The following PICALM variants were observed in gnomAD, a reference collection of about 807,000 sequenced individuals.
The protein encoded by PICALM is phosphatidylinositol binding clathrin assembly protein.
Under a neutral mutation model 80.5 loss-of-function variants are expected in PICALM, and 40 were observed. The observed-to-expected ratio is 0.50, with a 90% CI of 0.39 to 0.65. The LOEUF (loss-of-function observed/expected upper bound fraction) is 0.65, where lower values mean the gene tolerates loss of function less well. PICALM is among the 30% of genes least tolerant of loss of function. The pLI, the probability that PICALM is intolerant of heterozygous loss-of-function variation, is 0.00. For synonymous variants in PICALM, 288 were observed against 260.3 expected, an observed-to-expected ratio of 1.11 and a Z score of -1.02; for missense variants, 676 against 778.9, an observed-to-expected ratio of 0.87 and a Z score of 1.57.
intron 16 of PICALM, 94 bp from the exon 17 acceptor site, chr11:85,981,322 G>C (rs1197759432): frequency 1.3e-5 from 10 of 746,830 alleles, no homozygotes; most frequent in South Asian, 1.7e-5. Context: ...ATAGAGACTT[G>C]AGGCTGGGCG....
chr11:85,979,068 G>GA (rs556507334), intron 17 of PICALM, among the ~76,000 whole-genome samples: 9 of 149,890 alleles, frequency 6.0e-5, no homozygotes, highest in South Asian at 2.1e-4. Flanking sequence ...TGCACTTAGG[G>GA]AAAAAAAAAA....
At chr11:86,047,187 C>T (rs992099803) in intron 1 of PICALM, among the ~76,000 whole-genome samples, 3 of 152,198 alleles carry the variant, frequency 2.0e-5, no homozygotes, top group African/African-American at 7.2e-5. Flanking sequence ...TCCATGTGGT[C>T]TGAGTGAGAC....
chr11:86,043,877 T>C (rs1447746287), intron 1 of PICALM, among the ~76,000 whole-genome samples: 1 of 152,198 alleles, frequency 6.6e-6, no homozygotes, highest in African/African-American at 2.4e-5. Flanking sequence ...GAATAATGGA[T>C]TGCAGTTAGA....
chr11:86,047,612 A>C (rs985049203), intron 1 of PICALM, among the ~76,000 whole-genome samples: 8 of 152,250 alleles, frequency 5.3e-5, no homozygotes, highest in Non-Finnish European at 7.3e-5. Context: ...CTAGAGATGT[A>C]ATTACTATCA....
chr11:86,046,404 T>C (rs1349812118), intron 1 of PICALM, among the ~76,000 whole-genome samples: 1 of 152,246 alleles, frequency 6.6e-6, no homozygotes, highest in African/African-American at 2.4e-5. Flanking sequence ...TAATACTTAA[T>C]TTTCACAACA....
Position 85,957,798 on chromosome 11 carries a change from T to C in PICALM, c.*1248A>G, listed in dbSNP as rs775350662. On this transcript the variant is annotated 3_prime_UTR_variant, in exon 20 of 20. Coordinates refer to ENST00000393346, the MANE Select transcript of PICALM (RefSeq NM_007166.4). ...AATGCAACAAGAATGCTTAAACTCA[T>C]GTACAGAATTGCTTTCCTACAATGA... The C allele has an allele frequency of 9.1e-6, 2 of 220,128 alleles. No individual in the cohort carries two copies. The highest frequency in any genetic ancestry group is 1.8e-5 in the Non-Finnish European group (2 of 109,488). The allele number at this position is 220,128 out of a possible 1,614,324, so 13.6% of individuals were successfully genotyped here.
chr11:85,970,543 C>G (rs2094068733), intron 19 of PICALM, among the ~76,000 whole-genome samples: 1 of 152,194 alleles, frequency 6.6e-6, no homozygotes, highest in Admixed American at 6.5e-5. Flanking sequence ...AGGCTGGACA[C>G]AGTGGCTCAC....
At chr11:86,020,157 A>G (rs1355369787) in intron 4 of PICALM, among the ~76,000 whole-genome samples, 1 of 152,204 alleles carries the variant, frequency 6.6e-6, no homozygotes, top group Admixed American at 6.5e-5. Context: ...CAAAAATTAA[A>G]TGCATCTTCT....
At chr11:86,009,650 C>A (rs2095356834) in intron 7 of PICALM, among the ~76,000 whole-genome samples, 1 of 152,178 alleles carries the variant, frequency 6.6e-6, no homozygotes, top group South Asian at 2.1e-4. Context: ...CAAGATTGCG[C>A]CATTGCACTC....
intron 19 of PICALM, among the ~76,000 whole-genome samples, chr11:85,961,246 T>C (rs2093678459): frequency 6.6e-6 from 1 of 152,150 alleles, no homozygotes; most frequent in Non-Finnish European, 1.5e-5. Context: ...CTTTCTTTCT[T>C]CATAAGGGTC....
intron 4 of PICALM, among the ~76,000 whole-genome samples, chr11:86,018,036 A>C (rs898745688): frequency 7.2e-5 from 11 of 152,202 alleles, no homozygotes; most frequent in Non-Finnish European, 4.4e-5. Context: ...AAATTATTTT[A>C]AAGTAATATT....
At chr11:86,037,949 C>G (rs2095872172) in intron 1 of PICALM, among the ~76,000 whole-genome samples, 2 of 152,164 alleles carry the variant, frequency 1.3e-5, no homozygotes, top group Non-Finnish European at 2.9e-5. Context: ...AGAACGTTAT[C>G]ATGATCAAGA....
Position 86,068,915 on chromosome 11 carries a change from G to C in PICALM, c.-135C>G. 2 of 1,253,202 alleles carry C rather than the reference G, an allele frequency of 1.6e-6. No homozygotes were observed. The highest frequency in any genetic ancestry group is 2.1e-6 in the Non-Finnish European group (2 of 935,152). 77.6% of individuals were successfully genotyped at this position (1,253,202 alleles called of 1,614,324 possible). ...TTCCCCGCCTGCCGGCCTGGGGCGC[G>C]GTTCGGGGCCGCGCGCTGCCACCAG... On this transcript the variant is annotated 5_prime_UTR_variant, in exon 1 of 20. Coordinates refer to ENST00000393346, the MANE Select transcript of PICALM (RefSeq NM_007166.4).
At chr11:85,960,563 G>A (rs1266599069) in intron 19 of PICALM, 3 of 434,652 alleles carry the variant, frequency 6.9e-6, no homozygotes, top group Non-Finnish European at 1.3e-5. Flanking sequence ...AGGAGGAGGA[G>A]AGGGAGCCTA....
At chr11:86,003,293 G>A in intron 9 of PICALM, 73 bp downstream of exon 9, 1 of 756,248 alleles carries the variant, frequency 1.3e-6, no homozygotes, top group Non-Finnish European at 2.2e-6. Context: ...TAAACAGCTT[G>A]GAACTTGAGC....
intron 19 of PICALM, among the ~76,000 whole-genome samples, chr11:85,974,220 G>A (rs2094200267): frequency 6.6e-6 from 1 of 151,828 alleles, no homozygotes; most frequent in Admixed American, 6.6e-5. Flanking sequence ...TCCTTTTTTT[G>A]GTTTTTGAAA....
intron 1 of PICALM, among the ~76,000 whole-genome samples, chr11:86,037,259 A>ATTTTT (rs763255182): frequency 1.9e-5 from 2 of 106,044 alleles, no homozygotes; most frequent in African/African-American, 8.0e-5. Context: ...AAAAAAGAAA[A>ATTTTT]TTTTTTTTTT....
chr11:86,000,514 T>C (rs528482991), intron 11 of PICALM, 129 bp downstream of exon 11: 22 of 644,430 alleles, frequency 3.4e-5, no homozygotes, highest in Admixed American at 2.7e-4. Context: ...TATCACCATT[T>C]ATCGCCACCT....
chr11:86,037,648 G>A lies in PICALM; in HGVS notation c.131-6037C>T, dbSNP rs150529290. Among the ~76,000 whole-genome samples, 345 of 151,412 alleles carry A rather than the reference G, an allele frequency of 2.3e-3. 1 individual carries two copies. The highest frequency in any genetic ancestry group is 8.2e-3 in the African/African-American group (338 of 41,240). On this transcript the variant is annotated intron_variant, in intron 1 of 19. Coordinates refer to ENST00000393346, the MANE Select transcript of PICALM (RefSeq NM_007166.4). ...CAAGAGTTTAAGGTTACAGTGAACT[G>A]TGATCACGACATTGCACTCCAACTT...
Sources: gnomAD v4.1 joint callset for allele counts (sites outside exome capture counted in the v4.1 genomes callset) on GRCh38, gnomAD v4.1.1 for gene constraint, MANE v1.5 for transcripts, NCBI Gene and HGNC (gene_info 2026-07-23, HGNC 2026-07-21) for gene names.